Variants in RPS6KA4 observed in about 807,000 individuals in gnomAD.
RPS6KA4 encodes the protein ribosomal protein S6 kinase alpha-4.
RPS6KA4 carries 38 observed loss-of-function variants against 89.6 expected under a neutral mutation model. The ratio of observed to expected loss-of-function variants is 0.42; its 90% confidence interval spans 0.33 to 0.56. RPS6KA4 has a LOEUF of 0.56. Among genes scored for constraint, RPS6KA4 ranks in the 20% least tolerant of loss-of-function variants. RPS6KA4 has a pLI of 0.07. For missense variants in RPS6KA4, 873 were observed against 1,098.8 expected (o/e 0.79, Z 2.90); for synonymous variants, 495 against 492.8 (o/e 1.00, Z -0.06).
chr11:64,364,728 C>T (rs1164297119), intron 8 of RPS6KA4, among the ~76,000 whole-genome samples: 8 of 140,520 alleles, frequency 5.7e-5, no homozygotes, highest in Non-Finnish European at 9.1e-5. Flanking sequence ...TTGTTTTTCA[C>T]GCCAACTCTT....
At chr11:64,363,055 G>A (rs1183526301) in intron 8 of RPS6KA4, among the ~76,000 whole-genome samples, 1 of 152,176 alleles carries the variant, frequency 6.6e-6, no homozygotes, top group East Asian at 1.9e-4. Flanking sequence ...AGGAAGTGAT[G>A]GAGCTCAGAT....
At chr11:64,362,610 A>G (rs1365343370) in intron 8 of RPS6KA4, among the ~76,000 whole-genome samples, 4 of 152,226 alleles carry the variant, frequency 2.6e-5, no homozygotes, top group Non-Finnish European at 5.9e-5. Flanking sequence ...GGACTTTGTA[A>G]CAGTCAATAC....
chr11:64,369,996 G>A (rs981916489), intron 14 of RPS6KA4, 103 bp downstream of exon 14: 1 of 1,292,646 alleles, frequency 7.7e-7, no homozygotes, highest in African/African-American at 1.5e-5. Flanking sequence ...CTTGGTGGGG[G>A]CGGCTGGGTT....
At chr11:64,359,733 A>G in intron 2 of RPS6KA4, 1 of 546,010 alleles carries the variant, frequency 1.8e-6, no homozygotes, top group South Asian at 2.3e-5. Context: ...TGATTTGCAT[A>G]GCTCCTCCCT....
In RPS6KA4 at chr11:64,360,411, G is replaced by T. The variant is rs778937810; in HGVS notation, c.346+30G>T. The T allele has an allele frequency of 2.5e-4, 389 of 1,564,108 alleles. 2 individuals are homozygous for T. Among genetic ancestry groups the T allele is most frequent in the Middle Eastern group, 2.0e-3 (12 of 6,016 alleles). ...GCGCACACCACATCCCAACGGGGTTGGGGTGGCTGGGGGCAGGCGAGGCCA... is the reference window on the plus strand; with the variant it reads ...GCGCACACCACATCCCAACGGGGTTTGGGTGGCTGGGGGCAGGCGAGGCCA... On this transcript the variant is annotated intron_variant, in intron 3 of 16. Transcript: ENST00000334205.
At position 64,371,101 on chromosome 11, in the gene RPS6KA4, CAAAAAAAAAAA is replaced by C. The variant is rs374004148; in HGVS notation, c.2122-167_2122-157del. ...CCTGGGCGACAGAGGGAGACTCCGT[CAAAAAAAAAAA>C]AAAAAAAAAAAAAAGGGAGGTGAAC... On this transcript the variant is annotated intron_variant, in intron 16 of 16. Transcript: ENST00000334205. Among the ~76,000 whole-genome samples, 91 of 88,766 alleles carry C rather than the reference CAAAAAAAAAAA, an allele frequency of 1.0e-3. 1 individual carries two copies. Among genetic ancestry groups the C allele is most frequent in the Admixed American group, 1.6e-3 (14 of 8,926 alleles). 58.2% of individuals were successfully genotyped at this position (88,766 alleles called of 152,430 possible). A position where few individuals can be genotyped will look rare whatever the true frequency, so the allele number is the denominator to read the frequency against.
In RPS6KA4 at chr11:64,361,375, C is replaced by A; in HGVS notation, c.571-94C>A. On this transcript the variant is annotated intron_variant, in intron 5 of 16. Coordinates refer to ENST00000334205, the MANE Select transcript of RPS6KA4 (RefSeq NM_003942.3). The surrounding 1 kb of genome is among the most constrained non-coding windows in gnomAD (Gnocchi z 4.7). Reference sequence around the variant, plus strand: ...AAGTTTCCACAGCTCAGCTCTCCAACCTCACAAGTTGAGCGAGTCTTACTC... The same window carrying A: ...AAGTTTCCACAGCTCAGCTCTCCAAACTCACAAGTTGAGCGAGTCTTACTC... The A allele has an allele frequency of 6.6e-7, 1 of 1,507,518 alleles. No homozygotes were observed. Among genetic ancestry groups the A allele is most frequent in the Admixed American group, 1.7e-5 (1 of 57,820 alleles). The allele number at this position is 1,507,518 out of a possible 1,614,324, so 93.4% of individuals were successfully genotyped here. A position where few individuals can be genotyped will look rare whatever the true frequency, so the allele number is the denominator to read the frequency against.
rs1273318668 is a variant in RPS6KA4 at position 64,361,275 on chromosome 11, A to G, written c.570+34A>G. The G allele has an allele frequency of 6.3e-7, 1 of 1,575,434 alleles. No individual in the cohort carries two copies. Among genetic ancestry groups the G allele is most frequent in the Non-Finnish European group, 8.7e-7 (1 of 1,146,842 alleles). On this transcript the variant is annotated intron_variant, in intron 5 of 16. Transcript: ENST00000334205. The surrounding 1 kb of genome is among the most constrained non-coding windows in gnomAD (Gnocchi z 4.7). ...AGGCCACCTCTGCCTGCAGTGCCCC[A>G]TTCAATCCTTCTCCTTCCTGCCTCT...
At position 64,364,736 on chromosome 11, in the gene RPS6KA4, CTTT is replaced by C. The variant is rs34398206; in HGVS notation, c.907-548_907-546del. On this transcript the variant is annotated intron_variant, in intron 8 of 16. Coordinates refer to ENST00000334205, the MANE Select transcript of RPS6KA4 (RefSeq NM_003942.3). Reference sequence around the variant, plus strand: ...AAGAGATTTGTTTTTCACGCCAACTCTTTTTTTTTTTTTTTTTTTGAGATGGGG... The same window carrying C: ...AAGAGATTTGTTTTTCACGCCAACTCTTTTTTTTTTTTTTTTGAGATGGGG... 1.2e-3 allele frequency among the ~76,000 whole-genome samples: 142 copies of C among 121,316 alleles called. 2 individuals carry two copies. The highest frequency in any genetic ancestry group is 6.1e-3 in the South Asian group (22 of 3,604). 79.6% of individuals were successfully genotyped at this position (121,316 alleles called of 152,430 possible). A position where few individuals can be genotyped will look rare whatever the true frequency, so the allele number is the denominator to read the frequency against.
At position 64,361,688 on chromosome 11, in the gene RPS6KA4, C is replaced by T. The variant is rs537223935; in HGVS notation, c.698C>T (p.Thr233Met). The change falls in exon 7 of 17, where the codon ACG becomes ATG. Residue 233 changes from threonine to methionine, a missense_variant. By Grantham distance (81) the Thr-to-Met change is moderately conservative (BLOSUM62 -1). Coordinates refer to ENST00000334205, the MANE Select transcript of RPS6KA4 (RefSeq NM_003942.3). This position sits in a 1 kb window ranked among gnomAD's most constrained non-coding sequence, Gnocchi z 4.7. Reference sequence around the variant, plus strand: ...GGCATCTTGCTCTTCGAGCTGCTGACGGGGGCCTCGCCCTTCACCCTGGAG... The same window carrying T: ...GGCATCTTGCTCTTCGAGCTGCTGATGGGGGCCTCGCCCTTCACCCTGGAG... ...SLGILLFELL[T>M]GASPFTLEGE... The T allele has an allele frequency of 1.5e-5, 24 of 1,611,854 alleles. No homozygotes were observed. The highest frequency in any genetic ancestry group is 2.2e-5 in the South Asian group (2 of 91,020).
At position 64,361,683 on chromosome 11, in the gene RPS6KA4, G is replaced by T; in HGVS notation, c.693G>T (p.Leu231=). Residue 231 remains leucine (L), a synonymous_variant, in exon 7 of 17, where the codon CTG becomes CTT. Coordinates refer to ENST00000334205, the MANE Select transcript of RPS6KA4 (RefSeq NM_003942.3). This position sits in a 1 kb window ranked among gnomAD's most constrained non-coding sequence, Gnocchi z 4.7. ...GCCTGGGCATCTTGCTCTTCGAGCT[G>T]CTGACGGGGGCCTCGCCCTTCACCC... ...WWSLGILLFE[L]LTGASPFTLE... The T allele has an allele frequency of 6.2e-7, 1 of 1,612,564 alleles. No individual in the cohort carries two copies. Among genetic ancestry groups the T allele is most frequent in the Non-Finnish European group, 8.5e-7 (1 of 1,179,794 alleles).
chr11:64,368,505 G>A lies in RPS6KA4; in HGVS notation c.1238G>A (p.Arg413Gln). The A allele has an allele frequency of 6.4e-7, 1 of 1,563,308 alleles. No individual in the cohort carries two copies. The highest frequency in any genetic ancestry group is 8.7e-7 in the Non-Finnish European group (1 of 1,155,064). The change falls in exon 11 of 17, where the codon CGG becomes CAG. Residue 413 changes from arginine to glutamine, a missense_variant. Arg to Gln is a conservative substitution (Grantham distance 43, BLOSUM62 1). Transcript: ENST00000334205. ...PFFQQYELDL[R>Q]EPALGQGSFS... ...TTCCAGCAGTACGAGCTGGACCTGC[G>A]GGAGCCTGCGCTGGGCCAGGGCAGC...
intron 9 of RPS6KA4, among the ~76,000 whole-genome samples, chr11:64,367,289 G>A (rs1429285621): frequency 6.7e-6 from 1 of 150,172 alleles, no homozygotes; most frequent in Non-Finnish European, 1.5e-5. Context: ...AGGACTACAG[G>A]CAAGTGCCAC....
chr11:64,369,902 C>A lies in RPS6KA4; in HGVS notation c.1797+9C>A. On this transcript the variant is annotated intron_variant, in intron 14 of 16. Coordinates refer to ENST00000334205, the MANE Select transcript of RPS6KA4 (RefSeq NM_003942.3). ...GCCTGGGCGTCATTCTGGTATGGGA[C>A]GCGGTCCTTGAGGCGGGGTCAGGGT... The A allele has an allele frequency of 6.6e-7, 1 of 1,526,172 alleles. No homozygotes were observed. The allele number at this position is 1,526,172 out of a possible 1,614,324, so 94.5% of individuals were successfully genotyped here.
At position 64,370,975 on chromosome 11, in the gene RPS6KA4, G is replaced by A. The variant is rs12806363; in HGVS notation, c.2121+249G>A. On this transcript the variant is annotated intron_variant, in intron 16 of 16. Coordinates refer to ENST00000334205, the MANE Select transcript of RPS6KA4 (RefSeq NM_003942.3). This position sits in a 1 kb window ranked among gnomAD's most constrained non-coding sequence, Gnocchi z 4.1. ...AAAAATTAGCCGGGTGTGGTGGCGCGCGCCTGTAATCCCAGCTACTCAGGA... is the reference window on the plus strand; with the variant it reads ...AAAAATTAGCCGGGTGTGGTGGCGCACGCCTGTAATCCCAGCTACTCAGGA... Among the ~76,000 whole-genome samples, 48,120 of 151,658 alleles carry A rather than the reference G, an allele frequency of 0.32. 8,072 individuals are homozygous for A. Among genetic ancestry groups the A allele is most frequent in the East Asian group, 0.61 (3,136 of 5,118 alleles).
chr11:64,362,104 C>A, intron 8 of RPS6KA4, 102 bp downstream of exon 8: 1 of 1,373,866 alleles, frequency 7.3e-7, no homozygotes, highest in South Asian at 1.3e-5. Flanking sequence ...ATTTGGAAAT[C>A]CCCCCAGAGA....
chr11:64,361,869 C>T lies in RPS6KA4; in HGVS notation c.773C>T (p.Ser258Phe). The T allele has an allele frequency of 1.9e-6, 3 of 1,612,592 alleles. No homozygotes were observed. Among genetic ancestry groups the T allele is most frequent in the Non-Finnish European group, 2.5e-6 (3 of 1,179,754 alleles). ...CCTCCCAGACGGATCCTGAAGTGCTCCCCTCCCTTCCCCCCTCGGATCGGG... is the reference window on the plus strand; with the variant it reads ...CCTCCCAGACGGATCCTGAAGTGCTTCCCTCCCTTCCCCCCTCGGATCGGG... ...AEVSRRILKC[S>F]PPFPPRIGPV... The change falls in exon 8 of 17, where the codon TCC becomes TTC. Residue 258 changes from serine to phenylalanine, a missense_variant. Transcript: ENST00000334205. The surrounding 1 kb of genome is among the most constrained non-coding windows in gnomAD (Gnocchi z 4.7).
intron 2 of RPS6KA4, 116 bp downstream of exon 2, chr11:64,359,565 C>A: frequency 8.7e-7 from 1 of 1,151,904 alleles, no homozygotes; most frequent in Non-Finnish European, 1.2e-6. Flanking sequence ...TTTCCCGGCA[C>A]AGCCTGCCTT....
chr11:64,369,599 C>T lies in RPS6KA4; in HGVS notation c.1582C>T (p.His528Tyr). 1 of 1,604,310 alleles carries T rather than the reference C, an allele frequency of 6.2e-7. No individual in the cohort carries two copies. Among genetic ancestry groups the T allele is most frequent in the Non-Finnish European group, 8.5e-7 (1 of 1,175,870 alleles). Residue 528 changes from histidine to tyrosine, a missense_variant, in exon 13 of 17, where the codon CAC becomes TAC. Physicochemically the swap from His to Tyr is moderately conservative, Grantham distance 83. This residue lies in a region of RPS6KA4 where 542 missense variants were observed against 736.4 expected (regional missense o/e 0.74). Coordinates refer to ENST00000334205, the MANE Select transcript of RPS6KA4 (RefSeq NM_003942.3). ...SFMHEEAGVVHRDLKPENILY... is the reference protein window; with the variant it reads ...SFMHEEAGVVYRDLKPENILY... ...CATGCACGAGGAGGCGGGCGTGGTG[C>T]ACCGCGACCTCAAGCCGGAGGTGGG... is the stretch of plus-strand genomic sequence containing the variant.
Sources: gnomAD v4.1 joint callset for allele counts (sites outside exome capture counted in the v4.1 genomes callset) on GRCh38, gnomAD v4.1.1 for gene constraint, gnomAD v4.1.1 regional missense constraint, Gnocchi (gnomAD v3.1) non-coding constraint, MANE v1.5 for transcripts, NCBI Gene and HGNC (gene_info 2026-07-23, HGNC 2026-07-21) for gene names.